Variants in MORN1 observed in about 807,000 individuals in gnomAD.
MORN1 encodes the protein MORN repeat-containing protein 1.
MORN1 carries 67 observed loss-of-function variants against 61.9 expected under a neutral mutation model. The observed-to-expected ratio is 1.08, with a 90% confidence interval of 0.89 to 1.33. The LOEUF is 1.33. Ranked by LOEUF, MORN1 falls within the 40% of genes most tolerant of loss-of-function variation. The probability of loss-of-function intolerance (pLI) is 0.00; values close to 1 mark genes in which losing one functional copy is unlikely to be tolerated. For synonymous variants in MORN1, 301 were observed against 292.0 expected, an observed-to-expected ratio of 1.03 and a Z score of -0.31; for missense variants, 752 against 691.2, an observed-to-expected ratio of 1.09 and a Z score of -0.99.
rs1229228576 is a variant in MORN1, at chr1:2,372,503, C to T, written c.723G>A (p.Gln241=). ...TACTCTTGGCAATTTCCCCGTGGTC[C>T]TGCAGCAGCTGAACGTTCACCGAGA... ...SPFSVNVQLL[Q]DHGEIAKSES... is the part of the protein sequence containing the mutation. Residue 241 remains glutamine, a synonymous_variant, in exon 8 of 14, where the codon CAG becomes CAA. Coordinates refer to ENST00000378531, the MANE Select transcript of MORN1 (RefSeq NM_024848.3). The surrounding 1 kb of genome is among the most constrained non-coding windows in gnomAD (Gnocchi z 5.4). The T allele has an allele frequency of 1.2e-6, 2 of 1,613,814 alleles. No individual in the cohort carries two copies. The highest frequency in any genetic ancestry group is 1.1e-5 in the South Asian group (1 of 91,028).
Position 2,388,262 on chromosome 1 carries a change from C to A in MORN1, c.224G>T (p.Gly75Val), listed in dbSNP as rs200956456. ...ACCTGACCAGGCCCAGTGCCGGCGG[C>A]CTTCTCCCGTGATCTCTCCGTCCAC... ...AFVDGEITGEGRRHWAWSGDT... is the reference protein window; with the variant it reads ...AFVDGEITGEVRRHWAWSGDT... Residue 75 changes from glycine (G) to valine (V), a missense_variant, in exon 3 of 14, where the codon GGC (glycine) becomes GTC (valine). Coordinates refer to ENST00000378531, the MANE Select transcript of MORN1 (RefSeq NM_024848.3). 9.3e-6 allele frequency: 15 copies of A among 1,613,890 alleles called. No homozygotes were observed. Among genetic ancestry groups the A allele is most frequent in the Non-Finnish European group, 1.7e-6 (2 of 1,179,998 alleles).
chr1:2,383,067 A>ACTC (rs1432410086), intron 6 of MORN1, among the ~76,000 whole-genome samples: 1 of 150,842 alleles, frequency 6.6e-6, no homozygotes. Context: ...CCCACCCCCA[A>ACTC]CTCCTCCATC....
At chr1:2,331,934 C>T (rs1641163144) in intron 12 of MORN1, among the ~76,000 whole-genome samples, 1 of 136,082 alleles carries the variant, frequency 7.3e-6, no homozygotes, top group Non-Finnish European at 1.6e-5. Flanking sequence ...GCCTCTCCCT[C>T]GTGCGCCTCT....
At chr1:2,355,352 C>G (rs1384577672) in intron 10 of MORN1, 2 of 1,526,206 alleles carry the variant, frequency 1.3e-6, no homozygotes, top group Non-Finnish European at 1.8e-6. Flanking sequence ...CCCTGCTGCC[C>G]CACCTGGGAT....
rs533053244 is a variant in MORN1 at position 2,366,077 on chromosome 1, C to T, written c.745+6404G>A. ...CAATAGCAAAGACTTGGAACCAACCCAAATGTCCAACAATGATAGACTGGA... is the reference window on the plus strand; with the variant it reads ...CAATAGCAAAGACTTGGAACCAACCTAAATGTCCAACAATGATAGACTGGA... On this transcript the variant is annotated intron_variant, in intron 8 of 13. Transcript: ENST00000378531. Among the ~76,000 whole-genome samples the T allele has an allele frequency of 1.5e-3, 216 of 147,796 alleles. 2 individuals are homozygous for T. The highest frequency in any genetic ancestry group is 5.1e-3 in the African/African-American group (205 of 39,922).
Position 2,336,669 on chromosome 1 carries a change from T to C in MORN1, c.1170+48A>G, listed in dbSNP as rs148217260. The C allele has an allele frequency of 1.7e-3, 2,676 of 1,560,680 alleles. 39 individuals carry two copies. The African/African-American group carries it at 0.032, about 19-fold the overall frequency. On this transcript the variant is annotated intron_variant, in intron 11 of 13. Transcript: ENST00000378531. Reference sequence around the variant, plus strand: ...TGTTGAGGTGGTGGGTGGGCAGGGATAGTCTGAGTGATGTGGGGTGGCCTC... The same window carrying C: ...TGTTGAGGTGGTGGGTGGGCAGGGACAGTCTGAGTGATGTGGGGTGGCCTC...
At chr1:2,390,788 G>A (rs1642634106) in intron 1 of MORN1, 2 of 974,842 alleles carry the variant, frequency 2.1e-6, no homozygotes, top group African/African-American at 3.6e-5. Context: ...TTGCTCTGTC[G>A]CCCAGGCTGG....
At chr1:2,352,117 TAG>T (rs1394071379) in intron 10 of MORN1, 2 of 433,372 alleles carry the variant, frequency 4.6e-6, no homozygotes. Context: ...TGAAATTGTG[TAG>T]AGTGTTTGTG....
At chr1:2,322,528 T>A in intron 13 of MORN1, 2 of 984,710 alleles carry the variant, frequency 2.0e-6, no homozygotes, top group Non-Finnish European at 1.2e-6. Flanking sequence ...CCGGGAGGAA[T>A]GTGCTTGGCC....
rs752020905 is a variant in MORN1 at position 2,336,585 on chromosome 1, G to T, written c.1171-37C>A. 8.1e-6 allele frequency: 13 copies of T among 1,609,824 alleles called. No homozygotes were observed. In the East Asian group the frequency reaches 1.3e-4, roughly 17 times the overall value. On this transcript the variant is annotated intron_variant, in intron 11 of 13. Coordinates refer to ENST00000378531, the MANE Select transcript of MORN1 (RefSeq NM_024848.3). ...GGGCAGGAGGAGGGGAGAAGGAAAG[G>T]CTCAGAAGGTGGGCCTAGGAGCTCT...
At chr1:2,341,977 C>T (rs1002610585) in intron 10 of MORN1, among the ~76,000 whole-genome samples, 19 of 152,244 alleles carry the variant, frequency 1.2e-4, no homozygotes, top group East Asian at 1.9e-4. Context: ...TGAGGGTCCC[C>T]GGCAGTGTCT....
intron 6 of MORN1, 46 bp downstream of exon 6, chr1:2,384,932 G>A (rs536176384): frequency 1.2e-5 from 18 of 1,483,870 alleles, no homozygotes; most frequent in East Asian, 7.5e-5. Context: ...TGCCCACCAC[G>A]AGGCCTGTAC....
chr1:2,372,725 G>A lies in MORN1; in HGVS notation c.635-134C>T. On this transcript the variant is annotated intron_variant, in intron 7 of 13. Transcript: ENST00000378531. This position sits in a 1 kb window ranked among gnomAD's most constrained non-coding sequence, Gnocchi z 5.4. ...CAGCTGGAACACAAGCACATGCGGG[G>A]GCCGACCCTCCGCAAACCACCTTGC... 3.1e-6 allele frequency: 2 copies of A among 643,092 alleles called. No individual in the cohort carries two copies. The highest frequency in any genetic ancestry group is 5.4e-6 in the Non-Finnish European group (2 of 370,004). The allele number at this position is 643,092 out of a possible 1,614,324, so 39.8% of individuals were successfully genotyped here. A position where few individuals can be genotyped will look rare whatever the true frequency, so the allele number is the denominator to read the frequency against.
At chr1:2,352,264 C>T (rs1227462535) in intron 10 of MORN1, 3 of 197,880 alleles carry the variant, frequency 1.5e-5, no homozygotes, top group Non-Finnish European at 3.0e-5. Flanking sequence ...GGAATAGGGG[C>T]ATGACGGCTA....
At position 2,358,682 on chromosome 1, in the gene MORN1, C is replaced by T. The variant is rs759902481; in HGVS notation, c.779G>A (p.Gly260Asp). The change falls in exon 9 of 14, where the codon GGC becomes GAC. Residue 260 changes from glycine to aspartate, a missense_variant. Transcript: ENST00000378531. ...GGCTGACAGCTGCACGTATCTGACGCCCGCTGAGATCTGCAGGACCCGGCC... is the reference window on the plus strand; with the variant it reads ...GGCTGACAGCTGCACGTATCTGACGTCCGCTGAGATCTGCAGGACCCGGCC... ...ESGRVLQISA[G>D]VRYVQLSAYS... is the part of the protein sequence containing the mutation. 3.1e-6 allele frequency: 5 copies of T among 1,613,602 alleles called. No individual in the cohort carries two copies. Among genetic ancestry groups the T allele is most frequent in the African/African-American group, 2.7e-5 (2 of 75,018 alleles).
At position 2,372,621 on chromosome 1, in the gene MORN1, GTGACTGGCA is replaced by G; in HGVS notation, c.635-39_635-31del. ...GAGAGGACAGAGTGTGGCTTTAGCGGTGACTGGCATGGTCCCCCACCCACCCCATGGCTG... is the reference window on the plus strand; with the variant it reads ...GAGAGGACAGAGTGTGGCTTTAGCGGTGGTCCCCCACCCACCCCATGGCTG... On this transcript the variant is annotated intron_variant, in intron 7 of 13. Transcript: ENST00000378531. The surrounding 1 kb of genome is among the most constrained non-coding windows in gnomAD (Gnocchi z 5.4). The G allele has an allele frequency of 6.4e-7, 1 of 1,574,014 alleles. No individual in the cohort carries two copies.
At chr1:2,383,893 C>T (rs913628408) in intron 6 of MORN1, among the ~76,000 whole-genome samples, 1 of 152,192 alleles carries the variant, frequency 6.6e-6, no homozygotes, top group African/African-American at 2.4e-5. Flanking sequence ...CTCCCCTTCC[C>T]ACCAGCCAGG....
rs1174694424 is a variant in MORN1 at position 2,372,885 on chromosome 1, G to A, written c.635-294C>T. 1.3e-5 allele frequency among the ~76,000 whole-genome samples: 2 copies of A among 152,240 alleles called. No homozygotes were observed. Among genetic ancestry groups the A allele is most frequent in the East Asian group, 3.8e-4 (2 of 5,200 alleles). ...AAGAGACACAAGTGGGCGGTGTGGG[G>A]CTGTTGGGTTTTCCTGCCCGTGGAA... On this transcript the variant is annotated intron_variant, in intron 7 of 13. Coordinates refer to ENST00000378531, the MANE Select transcript of MORN1 (RefSeq NM_024848.3). The surrounding 1 kb of genome is among the most constrained non-coding windows in gnomAD (Gnocchi z 5.4).
chr1:2,362,723 G>A (rs1444993670), intron 8 of MORN1, among the ~76,000 whole-genome samples: 1 of 152,136 alleles, frequency 6.6e-6, no homozygotes, highest in Non-Finnish European at 1.5e-5. Flanking sequence ...AATTAGCTGG[G>A]TGTGGTGGCG....
Sources: allele counts gnomAD v4.1 joint callset (sites outside exome capture counted in the v4.1 genomes callset), GRCh38; gene constraint gnomAD v4.1.1; non-coding constraint Gnocchi (gnomAD v3.1); transcripts MANE v1.5; gene names NCBI Gene and HGNC (gene_info 2026-07-23, HGNC 2026-07-21).